TEX29: variants seen among roughly 807,000 people sequenced by gnomAD.
TEX29 encodes the protein testis-expressed protein 29.
In TEX29, 26 loss-of-function variants were observed where a neutral mutation model predicts 18.2. The ratio of observed to expected loss-of-function variants is 1.43; its 90% CI spans 1.04 to 1.98. The LOEUF is 1.98. TEX29 is among the 30% of genes most tolerant of loss of function. The pLI, the probability that TEX29 is intolerant of heterozygous loss-of-function variation, is 0.00. For missense variants in TEX29, 177 were observed against 194.2 expected (o/e 0.91, Z 0.53); for synonymous variants, 83 against 78.5 (o/e 1.06, Z -0.31).
chr13:111,328,763 A>G (rs1342222529), intron 3 of TEX29, among the ~76,000 whole-genome samples: 3 of 152,268 alleles, frequency 2.0e-5, no homozygotes, highest in Non-Finnish European at 4.4e-5. Flanking sequence ...GGCTGCTTCA[A>G]CGTCAGACTA....
intron 3 of TEX29, among the ~76,000 whole-genome samples, chr13:111,336,737 T>A (rs538689300): frequency 6.6e-6 from 1 of 152,378 alleles, no homozygotes; most frequent in African/African-American, 2.4e-5. Flanking sequence ...CAATTGCTGC[T>A]GTTCTGAAAG....
chr13:111,332,359 A>C (rs1241589515), intron 3 of TEX29, among the ~76,000 whole-genome samples: 2 of 152,160 alleles, frequency 1.3e-5, no homozygotes, highest in African/African-American at 4.8e-5. Context: ...AGCATATAGA[A>C]ATATAATTGA....
chr13:111,321,003 G>GGGC, intron 2 of TEX29, 55 bp downstream of exon 2: 1 of 653,310 alleles, frequency 1.5e-6, no homozygotes, highest in Non-Finnish European at 2.7e-6. Flanking sequence ...GTTGGGGGGG[G>GGGC]GCACAGGGAG....
chr13:111,343,864 C>A (rs1759626998), intron 5 of TEX29, among the ~76,000 whole-genome samples: 1 of 152,070 alleles, frequency 6.6e-6, no homozygotes, highest in Non-Finnish European at 1.5e-5. Flanking sequence ...GTTAAGGGAG[C>A]CTCCTGTGTA....
At chr13:111,324,068 A>T (rs1362924185) in intron 2 of TEX29, among the ~76,000 whole-genome samples, 1 of 152,176 alleles carries the variant, frequency 6.6e-6, no homozygotes, top group Non-Finnish European at 1.5e-5. Context: ...CAGCTCACAG[A>T]CAGAAAGGGG....
chr13:111,324,783 C>T (rs915497482), intron 2 of TEX29, among the ~76,000 whole-genome samples: 1 of 152,236 alleles, frequency 6.6e-6, no homozygotes, highest in African/African-American at 2.4e-5. Flanking sequence ...CTGCACCTCT[C>T]TAGGCACCAT....
rs374227115 is a variant in TEX29 at position 111,335,853 on chromosome 13, T to C, written c.170-4010T>C. Among the ~76,000 whole-genome samples, 56 of 152,342 alleles carry C rather than the reference T, an allele frequency of 3.7e-4. No individual in the cohort carries two copies. In the South Asian group the frequency reaches 0.01, roughly 28 times the overall value. ...GGAAGATCACAGCGAGGAAGGGAACTCACGTCCAAGCTGCTACTGCCGCTG... is the reference window on the plus strand; with the variant it reads ...GGAAGATCACAGCGAGGAAGGGAACCCACGTCCAAGCTGCTACTGCCGCTG... On this transcript the variant is annotated intron_variant, in intron 3 of 5. Coordinates refer to ENST00000283547, the MANE Select transcript of TEX29 (RefSeq NM_152324.3).
intron 4 of TEX29, among the ~76,000 whole-genome samples, chr13:111,341,933 A>C (rs1364209567): frequency 1.3e-5 from 2 of 152,214 alleles, no homozygotes; most frequent in Non-Finnish European, 2.9e-5. Flanking sequence ...GTGAGGCTCT[A>C]ACTCAGGCTC....
At chr13:111,333,549 TTCTTTTTGG>T (rs2153641784) in intron 3 of TEX29, among the ~76,000 whole-genome samples, 1 of 152,372 alleles carries the variant, frequency 6.6e-6, no homozygotes, top group African/African-American at 2.4e-5. Flanking sequence ...ACTTCAGAAT[TTCTTTTTGG>T]TCTTAATAAT....
At chr13:111,335,820 T>G (rs1210592870) in intron 3 of TEX29, among the ~76,000 whole-genome samples, 1 of 152,176 alleles carries the variant, frequency 6.6e-6, no homozygotes, top group Non-Finnish European at 1.5e-5. Flanking sequence ...TGTAAATGCA[T>G]CACTCCAGGA....
In TEX29 at chr13:111,326,640, G is replaced by A. The variant is rs1311130756; in HGVS notation, c.59-1543G>A. Among the ~76,000 whole-genome samples the A allele has an allele frequency of 5.2e-4, 76 of 146,382 alleles. 1 individual carries two copies. Among genetic ancestry groups the A allele is most frequent in the African/African-American group, 1.9e-3 (73 of 39,100 alleles). On this transcript the variant is annotated intron_variant, in intron 2 of 5. Coordinates refer to ENST00000283547, the MANE Select transcript of TEX29 (RefSeq NM_152324.3). ...TGTCTGGTGGGGTGGAGGAGACCAC[G>A]GGCAGTGCGAGCCTGTCTGGTGGGG...
rs1313125906 is a variant in TEX29 at position 111,344,006 on chromosome 13, A to C, written c.416-77A>C. 6.1e-6 allele frequency: 8 copies of C among 1,301,586 alleles called. No homozygotes were observed. The East Asian group carries it at 1.8e-4, about 30-fold the overall frequency. 80.6% of individuals were successfully genotyped at this position (1,301,586 alleles called of 1,614,324 possible). ...AATCAGACACCATGTAGATGGGTTC[A>C]AAGATCCTGATGAAATCTTTTCGGG... On this transcript the variant is annotated intron_variant, in intron 5 of 5. Transcript: ENST00000283547.
upstream of TEX29, among the ~76,000 whole-genome samples, chr13:111,319,432 C>A (rs1456520998): frequency 6.6e-6 from 1 of 152,154 alleles, no homozygotes; most frequent in Non-Finnish European, 1.5e-5. Context: ...GCAGGTGAAC[C>A]TTCTGCAACA....
At chr13:111,339,674 G>A (rs920212647) in intron 3 of TEX29, among the ~76,000 whole-genome samples, 189 bp from the exon 4 acceptor site, 3 of 152,082 alleles carry the variant, frequency 2.0e-5, no homozygotes, top group African/African-American at 4.8e-5. Context: ...GCCTGCCTGC[G>A]GGGGCCTTTG....
intron 3 of TEX29, among the ~76,000 whole-genome samples, chr13:111,333,312 T>C (rs936003328): frequency 6.6e-6 from 1 of 152,224 alleles, no homozygotes; most frequent in Non-Finnish European, 1.5e-5. Flanking sequence ...CTTTCTGTTA[T>C]CTTTCTCCTC....
At chr13:111,338,200 A>T (rs1260100085) in intron 3 of TEX29, among the ~76,000 whole-genome samples, 2 of 152,180 alleles carry the variant, frequency 1.3e-5, no homozygotes, top group South Asian at 4.1e-4. Flanking sequence ...TGTGAATGTG[A>T]CCTAATTTAG....
At chr13:111,324,954 G>A (rs2093670412) in intron 2 of TEX29, among the ~76,000 whole-genome samples, 1 of 152,202 alleles carries the variant, frequency 6.6e-6, no homozygotes, top group South Asian at 2.1e-4. Context: ...GGATGAGCGA[G>A]GGAATGAATG....
upstream of TEX29, chr13:111,316,251 AG>A (rs1210726840): frequency 4.0e-6 from 2 of 502,734 alleles, no homozygotes; most frequent in African/African-American, 1.9e-5. Context: ...GTAACAGTGC[AG>A]GCTCAGTAAG....
At chr13:111,329,231 G>A (rs1302725230) in intron 3 of TEX29, among the ~76,000 whole-genome samples, 2 of 152,046 alleles carry the variant, frequency 1.3e-5, no homozygotes, top group Non-Finnish European at 1.5e-5. Flanking sequence ...GCACGCCCTC[G>A]GGAGGGAACA....
Sources: allele counts gnomAD v4.1 joint callset (sites outside exome capture counted in the v4.1 genomes callset), GRCh38; gene constraint gnomAD v4.1.1; transcripts MANE v1.5; gene names NCBI Gene and HGNC (gene_info 2026-07-23, HGNC 2026-07-21).